The following HSPA12B variants were observed in gnomAD, a reference collection of about 807,000 sequenced individuals.
The protein encoded by HSPA12B is heat shock 70 kDa protein 12B.
A neutral mutation model predicts 69.3 loss-of-function variants in HSPA12B; 54 were observed. The ratio of observed to expected loss-of-function variants is 0.78; its 90% CI spans 0.63 to 0.98. The LOEUF (loss-of-function observed/expected upper bound fraction) is 0.98. Among genes scored for constraint, HSPA12B ranks in the 50% least tolerant of loss-of-function variants. The pLI, the probability that HSPA12B is intolerant of heterozygous loss-of-function variation, is 0.00. For synonymous variants in HSPA12B, 441 were observed against 436.5 expected (o/e 1.01, Z -0.13); for missense variants, 929 against 999.8 (o/e 0.93, Z 0.96).
At chr20:3,738,433 C>A (rs541730031) in intron 1 of HSPA12B, among the ~76,000 whole-genome samples, 10 of 152,298 alleles carry the variant, frequency 6.6e-5, no homozygotes, top group African/African-American at 2.4e-4. Flanking sequence ...TAAGGAATTA[C>A]TGTTAATTTC....
In HSPA12B at chr20:3,750,157, C is replaced by T. The variant is rs1288218178; in HGVS notation, c.1231C>T (p.Pro411Ser). ...TGCAGGGGCGCTCAACATCTCGCTG[C>T]CCTTCTCCTTCATTGACTTCTACCG... Reference protein sequence around the residue: ...HRAGALNISLPFSFIDFYRKQ... With the variant: ...HRAGALNISLSFSFIDFYRKQ... The change falls in exon 11 of 13, where the codon CCC becomes TCC. Residue 411 changes from proline to serine, a missense_variant. Coordinates refer to ENST00000254963, the MANE Select transcript of HSPA12B (RefSeq NM_052970.5). 3 of 1,611,672 alleles carry T rather than the reference C, an allele frequency of 1.9e-6. No homozygotes were observed. Among genetic ancestry groups the T allele is most frequent in the South Asian group, 2.2e-5 (2 of 90,892 alleles).
In HSPA12B at chr20:3,737,636, G is replaced by A. The variant is rs76313852; in HGVS notation, c.-17-1022G>A. Among the ~76,000 whole-genome samples, 1,824 of 152,200 alleles carry A rather than the reference G, an allele frequency of 0.012. 41 individuals are homozygous for A. Among genetic ancestry groups the A allele is most frequent in the African/African-American group, 0.041 (1,684 of 41,492 alleles). On this transcript the variant is annotated intron_variant, in intron 1 of 12. Transcript: ENST00000254963. This position sits in a 1 kb window ranked among gnomAD's most constrained non-coding sequence, Gnocchi z 4.1. ...ATGAGGCATCTCAGTCTCCTGGGCC[G>A]GTATATATTCCTCTGTTCAGCCTTT...
intron 1 of HSPA12B, among the ~76,000 whole-genome samples, chr20:3,733,334 AT>A (rs902170956): frequency 2.6e-5 from 4 of 152,036 alleles, no homozygotes; most frequent in Admixed American, 6.6e-5. Flanking sequence ...AGTGGAGCCT[AT>A]CTGTGAGGTT....
chr20:3,742,417 G>A lies in HSPA12B; in HGVS notation c.266+9G>A, dbSNP rs370781893. On this transcript the variant is annotated intron_variant, in intron 4 of 12. Transcript: ENST00000254963. ...GCCATCCACATGATGAGGTGAGGTC[G>A]GCTGGGCTGAGAGAGTGAGGTGGGG... 25 of 1,603,580 alleles carry A rather than the reference G, an allele frequency of 1.6e-5. No homozygotes were observed. The highest frequency in any genetic ancestry group is 2.7e-5 in the African/African-American group (2 of 74,746).
intron 1 of HSPA12B, among the ~76,000 whole-genome samples, chr20:3,735,488 G>A (rs1315715250): frequency 1.3e-5 from 2 of 148,600 alleles, no homozygotes; most frequent in East Asian, 2.0e-4. Context: ...TTCTTGAGAT[G>A]GGGTCTCACT....
intron 4 of HSPA12B, among the ~76,000 whole-genome samples, chr20:3,743,754 TACAAA>T (rs141656047): frequency 0.24 from 36,831 of 151,858 alleles, 5,145 homozygotes; most frequent in African/African-American, 0.38. Flanking sequence ...TTTTCACTAT[TACAAA>T]AAGTGCAGCA....
chr20:3,734,357 G>A (rs1308420347), intron 1 of HSPA12B, among the ~76,000 whole-genome samples: 7 of 152,206 alleles, frequency 4.6e-5, no homozygotes, highest in Non-Finnish European at 8.8e-5. Flanking sequence ...GATGACTAGA[G>A]GTCAATATGA....
chr20:3,736,536 A>G lies in HSPA12B; in HGVS notation c.-17-2122A>G, dbSNP rs114781883. ...CCAGCTCTGTGTCTGCCTGTGTTCT[A>G]TAGCAAAACTTTCAGATTGGGCCGC... On this transcript the variant is annotated intron_variant, in intron 1 of 12. Coordinates refer to ENST00000254963, the MANE Select transcript of HSPA12B (RefSeq NM_052970.5). Among the ~76,000 whole-genome samples, 329 of 152,344 alleles carry G rather than the reference A, an allele frequency of 2.2e-3. 3 individuals are homozygous for G. Among genetic ancestry groups the G allele is most frequent in the African/African-American group, 7.3e-3 (304 of 41,586 alleles).
rs1386140961 is a variant in HSPA12B at position 3,745,434 on chromosome 20, C to T, written c.454-59C>T. The T allele has an allele frequency of 8.3e-7, 1 of 1,204,054 alleles. No individual in the cohort carries two copies. Among genetic ancestry groups the T allele is most frequent in the Non-Finnish European group, 1.2e-6 (1 of 806,852 alleles). 74.6% of individuals were successfully genotyped at this position (1,204,054 alleles called of 1,614,324 possible). A position where few individuals can be genotyped will look rare whatever the true frequency, so the allele number is the denominator to read the frequency against. On this transcript the variant is annotated intron_variant, in intron 5 of 12. Coordinates refer to ENST00000254963, the MANE Select transcript of HSPA12B (RefSeq NM_052970.5). This position sits in a 1 kb window ranked among gnomAD's most constrained non-coding sequence, Gnocchi z 5.6. ...AACGGGGTGATTTTAAGAGCGAGGT[C>T]GTCAGGAAATGAGTGCCAAGCTGAG...
At position 3,746,011 on chromosome 20, in the gene HSPA12B, A is replaced by C; in HGVS notation, c.655A>C (p.Met219Leu). The C allele has an allele frequency of 1.2e-6, 2 of 1,613,876 alleles. No homozygotes were observed. Among genetic ancestry groups the C allele is most frequent in the Non-Finnish European group, 1.7e-6 (2 of 1,179,872 alleles). The part of the protein sequence containing the change: ...AIWKQPAKQF[M>L]REAAYLAGLV... ...CTGGAAACAGCCAGCCAAGCAGTTCATGCGGGAGGCTGCCTACCTGGTGAG... is the reference window on the plus strand; with the variant it reads ...CTGGAAACAGCCAGCCAAGCAGTTCCTGCGGGAGGCTGCCTACCTGGTGAG... The change falls in exon 7 of 13, where the codon ATG becomes CTG. Residue 219 changes from methionine to leucine, a missense_variant. Physicochemically the swap from Met to Leu is conservative, Grantham distance 15. Around this residue, in one of 3 missense-constraint regions of HSPA12B, gnomAD observed 477 missense variants for 535.2 expected, o/e 0.89. Transcript: ENST00000254963.
Position 3,752,474 on chromosome 20 carries a change from G to T in HSPA12B, c.*308G>T, listed in dbSNP as rs911489772. The T allele has an allele frequency of 3.5e-5, 8 of 227,938 alleles. No individual in the cohort carries two copies. The highest frequency in any genetic ancestry group is 6.8e-5 in the Non-Finnish European group (8 of 117,476). 14.1% of individuals were successfully genotyped at this position (227,938 alleles called of 1,614,324 possible). ...CAAGGGGCATGTGACCCCGAAGGAA[G>T]AACGCAACAGAAGAGTCCTGGTCTG... On this transcript the variant is annotated 3_prime_UTR_variant, in exon 13 of 13. Transcript: ENST00000254963.
Position 3,741,056 on chromosome 20 carries a change from C to T in HSPA12B, c.141+144C>T, listed in dbSNP as rs2088192874. The T allele has an allele frequency of 9.4e-6, 6 of 637,750 alleles. No homozygotes were observed. The South Asian group carries it at 9.9e-5, about 10-fold the overall frequency. 39.5% of individuals were successfully genotyped at this position (637,750 alleles called of 1,614,324 possible). A position where few individuals can be genotyped will look rare whatever the true frequency, so the allele number is the denominator to read the frequency against. The stretch of plus-strand genomic sequence containing the variant: ...GCCTCTTGTCCCCGTACACTCCAGT[C>T]ATGTGCCCCCCAGAAGGATTGGCCT... On this transcript the variant is annotated intron_variant, in intron 3 of 12. Transcript: ENST00000254963.
rs887852967 is a variant in HSPA12B, at chr20:3,751,272, G to A, written c.1406-239G>A. 8.7e-5 allele frequency: 86 copies of A among 985,360 alleles called. No homozygotes were observed. In the African/African-American group the frequency reaches 1.5e-3, roughly 17 times the overall value. 61.0% of individuals were successfully genotyped at this position (985,360 alleles called of 1,614,324 possible). On this transcript the variant is annotated intron_variant, in intron 12 of 12. Coordinates refer to ENST00000254963, the MANE Select transcript of HSPA12B (RefSeq NM_052970.5). ...TGTAAAATGCATATCCTTATCTCTCGTCCTCCACGTCGTGGTGGGAGAGAA... is the reference window on the plus strand; with the variant it reads ...TGTAAAATGCATATCCTTATCTCTCATCCTCCACGTCGTGGTGGGAGAGAA...
At chr20:3,747,888 G>T (rs1052105067) in intron 7 of HSPA12B, among the ~76,000 whole-genome samples, 7 of 152,260 alleles carry the variant, frequency 4.6e-5, no homozygotes, top group Non-Finnish European at 1.0e-4. Flanking sequence ...ACCTGTGAAG[G>T]GGAACCTTGC....
chr20:3,749,407 C>T lies in HSPA12B; in HGVS notation c.937+89C>T. 1 of 1,190,094 alleles carries T rather than the reference C, an allele frequency of 8.4e-7. No homozygotes were observed. The highest frequency in any genetic ancestry group is 1.2e-6 in the Non-Finnish European group (1 of 826,298). 73.7% of individuals were successfully genotyped at this position (1,190,094 alleles called of 1,614,324 possible). A position where few individuals can be genotyped will look rare whatever the true frequency, so the allele number is the denominator to read the frequency against. ...GGAAGGGCATGTTTGCAAAGCCCGT[C>T]TCTTCCTCCTCCATTCGCTGTACCC... On this transcript the variant is annotated intron_variant, in intron 9 of 12. Transcript: ENST00000254963. This position sits in a 1 kb window ranked among gnomAD's most constrained non-coding sequence, Gnocchi z 5.5.
Position 3,748,339 on chromosome 20 carries a change from AG to A in HSPA12B, c.800del (p.Gly267ValfsTer37). Reference sequence around the variant, plus strand: ...TCCTGGACCTGAGTGGCCGGGCCCCAGGTGGTGGGCGCCTGGGTGAGCGCCG... The same window carrying A: ...TCCTGGACCTGAGTGGCCGGGCCCCAGTGGTGGGCGCCTGGGTGAGCGCCG... ...QLLDLSGRAP[G>X]GGRLGERRSI... On this transcript the variant is annotated frameshift_variant, in exon 8 of 13. Transcript: ENST00000254963. LOFTEE classifies it high-confidence loss of function. 1 of 1,609,902 alleles carries A rather than the reference AG, an allele frequency of 6.2e-7. No individual in the cohort carries two copies. The highest frequency in any genetic ancestry group is 1.3e-5 in the African/African-American group (1 of 74,918).
chr20:3,734,920 C>T (rs7268054), intron 1 of HSPA12B, among the ~76,000 whole-genome samples: 1 of 151,614 alleles, frequency 6.6e-6, no homozygotes, highest in Non-Finnish European at 1.5e-5. Flanking sequence ...TTGTATTTTT[C>T]GTAGAGATGG....
At chr20:3,746,126 G>C in intron 7 of HSPA12B, 95 bp downstream of exon 7, 2 of 868,596 alleles carry the variant, frequency 2.3e-6, no homozygotes, top group Non-Finnish European at 3.7e-6. Context: ...AGACCACAGA[G>C]TCATTGTGGA....
rs1366365099 is a variant in HSPA12B, at chr20:3,744,494, T to C, written c.267-408T>C. On this transcript the variant is annotated intron_variant, in intron 4 of 12. Transcript: ENST00000254963. This position sits in a 1 kb window ranked among gnomAD's most constrained non-coding sequence, Gnocchi z 4.9. ...CCAGACACCAAGCCCCTAACATCTC[T>C]AGAATACCCATCTACTTCTCTCCAT... Among the ~76,000 whole-genome samples, 2 of 152,116 alleles carry C rather than the reference T, an allele frequency of 1.3e-5. No individual in the cohort carries two copies.
Sources: allele counts gnomAD v4.1 joint callset (sites outside exome capture counted in the v4.1 genomes callset), GRCh38; gene constraint gnomAD v4.1.1; regional missense constraint gnomAD v4.1.1; non-coding constraint Gnocchi (gnomAD v3.1); transcripts MANE v1.5; gene names NCBI Gene and HGNC (gene_info 2026-07-23, HGNC 2026-07-21).